ST3GAL5: variants seen among roughly 807,000 people sequenced by gnomAD.
The protein encoded by ST3GAL5 is lactosylceramide alpha-2,3-sialyltransferase.
In ST3GAL5, 25 loss-of-function variants were observed where a neutral mutation model predicts 46.1. That is an observed-to-expected ratio of 0.54 (90% confidence interval 0.40 to 0.76). The LOEUF is 0.76. Ranked by LOEUF, ST3GAL5 falls within the 30% of genes least tolerant of loss-of-function variation. The pLI, the probability that ST3GAL5 is intolerant of heterozygous loss-of-function variation, is 0.00. For synonymous variants in ST3GAL5, 182 were observed against 192.7 expected, an observed-to-expected ratio of 0.94 and a Z score of 0.46; for missense variants, 431 against 521.2, an observed-to-expected ratio of 0.83 and a Z score of 1.69.
intron 6 of ST3GAL5, among the ~76,000 whole-genome samples, chr2:85,841,483 GC>G (rs1682091543): frequency 1.3e-5 from 2 of 152,040 alleles, no homozygotes; most frequent in African/African-American, 4.8e-5. Context: ...ACAGGCATGT[GC>G]CACCATGCCC....
At position 85,888,919 on chromosome 2, in the gene ST3GAL5, C is replaced by A; in HGVS notation, c.-14G>T. 1 of 1,344,070 alleles carries A rather than the reference C, an allele frequency of 7.4e-7. No homozygotes were observed. The highest frequency in any genetic ancestry group is 1.7e-5 in the South Asian group (1 of 57,806). The allele number at this position is 1,344,070 out of a possible 1,614,324, so 83.3% of individuals were successfully genotyped here. On this transcript the variant is annotated 5_prime_UTR_variant, in exon 1 of 7. Coordinates refer to ENST00000638572, the MANE Select transcript of ST3GAL5 (RefSeq NM_003896.4). The stretch of plus-strand genomic sequence containing the variant: ...CTTCGTCCGCATACTAATGAGGGGG[C>A]GCCGGCCGGCCGCCAGCCCGGTACC...
intron 1 of ST3GAL5, among the ~76,000 whole-genome samples, chr2:85,877,396 G>T (rs1309456018): frequency 6.6e-6 from 1 of 152,112 alleles, no homozygotes; most frequent in Non-Finnish European, 1.5e-5. Flanking sequence ...TCATGACCTT[G>T]GCATTTTTGA....
At chr2:85,880,992 G>A (rs541877313) in intron 1 of ST3GAL5, 111 of 504,110 alleles carry the variant, frequency 2.2e-4, no homozygotes, top group African/African-American at 1.7e-3. Context: ...AACTTGAATT[G>A]TATCTCCCAG....
At chr2:85,883,114 G>C (rs1687360478) in intron 1 of ST3GAL5, among the ~76,000 whole-genome samples, 1 of 152,132 alleles carries the variant, frequency 6.6e-6, no homozygotes, top group African/African-American at 2.4e-5. Flanking sequence ...GAGAGGACAT[G>C]AGATTTGGAG....
intron 2 of ST3GAL5, among the ~76,000 whole-genome samples, chr2:85,861,659 A>AAG (rs904724281): frequency 3.5e-4 from 53 of 151,084 alleles, no homozygotes; most frequent in East Asian, 2.5e-3. Context: ...AAAAAAAAAA[A>AAG]AAAAGAAAAG....
intron 1 of ST3GAL5, among the ~76,000 whole-genome samples, chr2:85,869,859 G>A (rs2104137116): frequency 6.6e-6 from 1 of 152,226 alleles, no homozygotes; most frequent in East Asian, 1.9e-4. Flanking sequence ...TTTCTCACCT[G>A]ATCTGTTCTG....
intron 1 of ST3GAL5, among the ~76,000 whole-genome samples, chr2:85,872,899 A>G (rs1167581572): frequency 6.6e-6 from 1 of 152,250 alleles, no homozygotes; most frequent in Non-Finnish European, 1.5e-5. Flanking sequence ...ACCTCAGCCA[A>G]GAAGACAGTG....
chr2:85,855,140 C>T (rs1295294769), intron 3 of ST3GAL5: 1 of 152,268 alleles, frequency 6.6e-6, no homozygotes, highest in Non-Finnish European at 1.5e-5. Context: ...TCCCATAATT[C>T]CCATGTGTTG....
chr2:85,848,371 G>C (rs1558655232), intron 3 of ST3GAL5, 167 bp from the exon 4 acceptor site: 3 of 1,553,578 alleles, frequency 1.9e-6, no homozygotes, highest in Non-Finnish European at 2.6e-6. Context: ...TCAGAAACTT[G>C]AAGAAACAAC....
intron 1 of ST3GAL5, among the ~76,000 whole-genome samples, chr2:85,864,779 C>T (rs137997857): frequency 8.3e-4 from 126 of 152,316 alleles, no homozygotes; most frequent in African/African-American, 2.9e-3. Context: ...CAACTTAATA[C>T]AGCTCTGGAT....
intron 1 of ST3GAL5, among the ~76,000 whole-genome samples, chr2:85,864,493 A>G (rs558761925): frequency 1.3e-5 from 2 of 152,124 alleles, no homozygotes; most frequent in South Asian, 4.2e-4. Context: ...AGGGCTCACT[A>G]CACAATTCTC....
At position 85,863,449 on chromosome 2, in the gene ST3GAL5, C is replaced by A. The variant is rs939599344; in HGVS notation, c.119G>T (p.Ser40Ile). The change falls in exon 2 of 7, where the codon AGT (serine) becomes ATT (isoleucine). Residue 40 changes from serine (S) to isoleucine (I), a missense_variant. Coordinates refer to ENST00000638572, the MANE Select transcript of ST3GAL5 (RefSeq NM_003896.4). The part of the protein sequence containing the change: ...PSEYTYVKLR[S>I]DCSRPSLQWY... ...TTGCAGGGAAGGCCTCGAGCAATCA[C>A]TTCTCAGTTTCACATAGGTGTACTC... 28 of 1,614,188 alleles carry A rather than the reference C, an allele frequency of 1.7e-5. No homozygotes were observed. In the East Asian group the frequency reaches 6.2e-4, roughly 36 times the overall value.
At chr2:85,859,172 G>A (rs1248220776) in intron 3 of ST3GAL5, among the ~76,000 whole-genome samples, 4 of 152,142 alleles carry the variant, frequency 2.6e-5, no homozygotes, top group Non-Finnish European at 5.9e-5. Flanking sequence ...ACAGGAGAGC[G>A]CACCTCTCTC....
intron 1 of ST3GAL5, chr2:85,868,125 GC>G (rs1303739082): frequency 5.9e-6 from 1 of 170,688 alleles, no homozygotes; most frequent in Non-Finnish European, 1.3e-5. Flanking sequence ...GGGCTTATCA[GC>G]TGAAAGTCAT....
chr2:85,858,689 G>A (rs558555577), intron 3 of ST3GAL5, among the ~76,000 whole-genome samples: 3 of 152,304 alleles, frequency 2.0e-5, no homozygotes, highest in South Asian at 2.1e-4. Context: ...GCCTGGGACC[G>A]TCAAACCTTT....
chr2:85,875,074 T>G (rs1240178079), intron 1 of ST3GAL5, among the ~76,000 whole-genome samples: 1 of 152,164 alleles, frequency 6.6e-6, no homozygotes, highest in Non-Finnish European at 1.5e-5. Context: ...TTGTTGTTGT[T>G]TTTGAGACAA....
At chr2:85,863,283 G>A in intron 2 of ST3GAL5, 79 bp downstream of exon 2, 1 of 1,609,246 alleles carries the variant, frequency 6.2e-7, no homozygotes, top group Non-Finnish European at 8.5e-7. Context: ...CATCTTGAGG[G>A]CTCTCACTGA....
At chr2:85,850,921 CT>C (rs34082565) in intron 3 of ST3GAL5, 103 of 141,874 alleles carry the variant, frequency 7.3e-4, no homozygotes, top group Non-Finnish European at 7.4e-4. Context: ...CTTTTTTTTT[CT>C]TTTTTTTTTT....
chr2:85,861,645 TAAA>T (rs3046643), intron 2 of ST3GAL5, among the ~76,000 whole-genome samples: 1 of 123,800 alleles, frequency 8.1e-6, no homozygotes. Flanking sequence ...TGTCAGTCCT[TAAA>T]AAAAAAAAAA....
Sources: allele counts gnomAD v4.1 joint callset (sites outside exome capture counted in the v4.1 genomes callset), GRCh38; gene constraint gnomAD v4.1.1; transcripts MANE v1.5; gene names NCBI Gene and HGNC (gene_info 2026-07-23, HGNC 2026-07-21).